Variants in SOD2 observed in about 807,000 individuals in gnomAD.
SOD2 encodes the protein superoxide dismutase [Mn], mitochondrial.
In SOD2, 11 loss-of-function variants were observed where a neutral mutation model predicts 27.0. The ratio of observed to expected loss-of-function variants is 0.41; its 90% CI spans 0.26 to 0.67. SOD2 has a LOEUF of 0.67. Ranked by LOEUF, SOD2 falls within the 30% of genes least tolerant of loss-of-function variation. The pLI, the probability that SOD2 is intolerant of heterozygous loss-of-function variation, is 0.34. For missense variants in SOD2, 250 were observed against 274.5 expected, an observed-to-expected ratio of 0.91 and a Z score of 0.63; for synonymous variants, 105 against 103.0, an observed-to-expected ratio of 1.02 and a Z score of -0.12.
chr6:159,669,305 T>C lies in SOD2; in HGVS notation c.*13188A>G, dbSNP rs1296682456. On this transcript the variant is annotated 3_prime_UTR_variant, in exon 5 of 5. Coordinates refer to ENST00000538183, the MANE Select transcript of SOD2 (RefSeq NM_000636.4). The stretch of plus-strand genomic sequence containing the variant: ...TTAGAGTGTTCTGCACCTATTAGAA[T>C]GTTCTGTAAATGTCAGGTCCATTTG... 3 of 152,212 alleles carry C rather than the reference T, an allele frequency of 2.0e-5. No individual in the cohort carries two copies. The highest frequency in any genetic ancestry group is 4.4e-5 in the Non-Finnish European group (3 of 68,034). 9.4% of individuals were successfully genotyped at this position (152,212 alleles called of 1,614,324 possible).
intron 1 of SOD2, among the ~76,000 whole-genome samples, chr6:159,738,275 A>G (rs901135209): frequency 5.9e-5 from 9 of 152,162 alleles, no homozygotes; most frequent in Non-Finnish European, 1.5e-5. Context: ...GCAACCACTA[A>G]TTTATCTCCA....
rs906652741 is a variant in SOD2 at position 159,674,303 on chromosome 6, C to T, written c.*8190G>A. ...GCAGAGACATAACAAAAAAAGAGAA[C>T]TTTAGACCAATATCCCTGATGAAAA... On this transcript the variant is annotated 3_prime_UTR_variant, in exon 5 of 5. Coordinates refer to ENST00000538183, the MANE Select transcript of SOD2 (RefSeq NM_000636.4). 17 of 152,134 alleles carry T rather than the reference C, an allele frequency of 1.1e-4. No individual in the cohort carries two copies. Among genetic ancestry groups the T allele is most frequent in the South Asian group, 4.1e-4 (2 of 4,830 alleles). 9.4% of individuals were successfully genotyped at this position (152,134 alleles called of 1,614,324 possible).
upstream of SOD2, among the ~76,000 whole-genome samples, chr6:159,730,428 T>C (rs1778496440): frequency 6.6e-6 from 1 of 152,176 alleles, no homozygotes; most frequent in Non-Finnish European, 1.5e-5. Context: ...TAGGTTATTG[T>C]GTTTGTCATT....
chr6:159,744,794 A>G (rs1291800844), intron 1 of SOD2, among the ~76,000 whole-genome samples: 5 of 151,940 alleles, frequency 3.3e-5, no homozygotes, highest in Non-Finnish European at 7.4e-5. Flanking sequence ...ATCACACCTC[A>G]CTTCAGCTTC....
At chr6:159,761,255 C>G in exon 1 of SOD2, 1 of 223,494 alleles carries the variant, frequency 4.5e-6, no homozygotes. Flanking sequence ...ATAAGCTTGC[C>G]TGGAAACCCT....
chr6:159,717,564 A>C (rs1483001821), intron 1 of SOD2, among the ~76,000 whole-genome samples: 1 of 152,206 alleles, frequency 6.6e-6, no homozygotes, highest in Non-Finnish European at 1.5e-5. Flanking sequence ...CTTTGTGCTG[A>C]AAATATTCAA....
chr6:159,721,019 CTA>C lies in SOD2; in HGVS notation c.-116+6108_-116+6109del, dbSNP rs1778028656. Among the ~76,000 whole-genome samples the C allele has an allele frequency of 2.3e-5, 3 of 129,594 alleles. No individual in the cohort carries two copies. The South Asian group carries it at 8.0e-4, about 35-fold the overall frequency. The allele number at this position is 129,594 out of a possible 152,430, so 85.0% of individuals were successfully genotyped here. A position where few individuals can be genotyped will look rare whatever the true frequency, so the allele number is the denominator to read the frequency against. On this transcript the variant is annotated intron_variant, in intron 1 of 2. Transcript: ENST00000401980. ...TACAGGCACATGCCACTGCACCCGACTATTTTTTTTTTGTATTTTTATTTTTA... is the reference window on the plus strand; with the variant it reads ...TACAGGCACATGCCACTGCACCCGACTTTTTTTTTTGTATTTTTATTTTTA...
At position 159,675,262 on chromosome 6, in the gene SOD2, G is replaced by A. The variant is rs535248367; in HGVS notation, c.*7231C>T. 2.0e-5 allele frequency: 3 copies of A among 152,214 alleles called. No individual in the cohort carries two copies. Among genetic ancestry groups the A allele is most frequent in the African/African-American group, 7.2e-5 (3 of 41,502 alleles). The allele number at this position is 152,214 out of a possible 1,614,324, so 9.4% of individuals were successfully genotyped here. On this transcript the variant is annotated 3_prime_UTR_variant, in exon 5 of 5. Transcript: ENST00000538183. ...GAAAAAACTACTTTAAAGTTCATGTGGAACCAAAAAAGAGCCTGCACTGCC... is the reference window on the plus strand; with the variant it reads ...GAAAAAACTACTTTAAAGTTCATGTAGAACCAAAAAAGAGCCTGCACTGCC...
intron 1 of SOD2, among the ~76,000 whole-genome samples, chr6:159,699,244 T>TAAAG (rs1777484430): frequency 6.6e-6 from 1 of 152,206 alleles, no homozygotes; most frequent in Non-Finnish European, 1.5e-5. Flanking sequence ...TGGTCATCAC[T>TAAAG]CTTGGACCTA....
rs750995954 is a variant in SOD2, at chr6:159,711,553, A to C, written c.-116+15576T>G. On this transcript the variant is annotated intron_variant, in intron 1 of 2. Transcript: ENST00000401980. ...CACCACTCACATTGCTCTGATCACC[A>C]TAACCACCTCCACAACCACCACTCA... is the stretch of plus-strand genomic sequence containing the variant. Among the ~76,000 whole-genome samples the C allele has an allele frequency of 3.4e-3, 404 of 119,108 alleles. 25 individuals carry two copies. The highest frequency in any genetic ancestry group is 5.3e-3 in the Non-Finnish European group (290 of 54,318). 78.1% of individuals were successfully genotyped at this position (119,108 alleles called of 152,430 possible). A position where few individuals can be genotyped will look rare whatever the true frequency, so the allele number is the denominator to read the frequency against.
intron 1 of SOD2, among the ~76,000 whole-genome samples, chr6:159,739,524 T>C (rs1353593417): frequency 2.0e-5 from 3 of 152,240 alleles, no homozygotes; most frequent in Non-Finnish European, 4.4e-5. Flanking sequence ...CTTGTAAATG[T>C]CTTACAAAAG....
chr6:159,759,925 A>G (rs1169841274), intron 1 of SOD2, among the ~76,000 whole-genome samples: 1 of 152,228 alleles, frequency 6.6e-6, no homozygotes, highest in Admixed American at 6.5e-5. Context: ...CAAATGTGCT[A>G]GGCACTGGCC....
In SOD2 at chr6:159,679,752, CAAT is replaced by C. The variant is rs1458353495; in HGVS notation, c.*2738_*2740del. 6.6e-6 allele frequency: 1 copy of C among 152,152 alleles called. No homozygotes were observed. The highest frequency in any genetic ancestry group is 1.5e-5 in the Non-Finnish European group (1 of 68,034). The allele number at this position is 152,152 out of a possible 1,614,324, so 9.4% of individuals were successfully genotyped here. A position where few individuals can be genotyped will look rare whatever the true frequency, so the allele number is the denominator to read the frequency against. On this transcript the variant is annotated 3_prime_UTR_variant, in exon 5 of 5. Transcript: ENST00000538183. ...ATACTTGTTCTTTTCAGAAGAAAAGCAATTTTACCTTTTCTATTTCTATTATGA... is the reference window on the plus strand; with the variant it reads ...ATACTTGTTCTTTTCAGAAGAAAAGCTTTACCTTTTCTATTTCTATTATGA...
chr6:159,756,128 G>C (rs1457941214), intron 1 of SOD2: 1 of 152,888 alleles, frequency 6.5e-6, no homozygotes, highest in Non-Finnish European at 1.5e-5. Context: ...AGTAGTTTCA[G>C]TGTTAGATAC....
chr6:159,720,234 A>G (rs1324818588), intron 1 of SOD2, among the ~76,000 whole-genome samples: 3 of 151,948 alleles, frequency 2.0e-5, no homozygotes, highest in Non-Finnish European at 4.4e-5. Flanking sequence ...TTTTTTTAGC[A>G]AAGACAGAGT....
At chr6:159,750,121 A>T (rs1387349106), upstream of SOD2, among the ~76,000 whole-genome samples, 1 of 152,158 alleles carries the variant, frequency 6.6e-6, no homozygotes, top group Non-Finnish European at 1.5e-5. Flanking sequence ...AATTCTCACT[A>T]TTTGTGAGGG....
At chr6:159,714,804 A>G (rs969899743) in intron 1 of SOD2, among the ~76,000 whole-genome samples, 1 of 152,094 alleles carries the variant, frequency 6.6e-6, no homozygotes, top group Non-Finnish European at 1.5e-5. Context: ...GTTACTGTCT[A>G]AAGGTTTTCT....
chr6:159,714,170 C>T (rs912111978), intron 1 of SOD2, among the ~76,000 whole-genome samples: 2 of 152,226 alleles, frequency 1.3e-5, no homozygotes, highest in Non-Finnish European at 2.9e-5. Context: ...TGCCATCTGA[C>T]TTCTCTGTGC....
At chr6:159,703,293 G>A (rs1243356215) in intron 1 of SOD2, among the ~76,000 whole-genome samples, 3 of 152,166 alleles carry the variant, frequency 2.0e-5, no homozygotes, top group Admixed American at 6.5e-5. Flanking sequence ...CAGCCTGGGC[G>A]ACAAGAGTGA....
Sources: gnomAD v4.1 joint callset for allele counts (sites outside exome capture counted in the v4.1 genomes callset) on GRCh38, gnomAD v4.1.1 for gene constraint, MANE v1.5 for transcripts, NCBI Gene and HGNC (gene_info 2026-07-23, HGNC 2026-07-21) for gene names.